MFSD11: variants seen among roughly 807,000 people sequenced by gnomAD.
MFSD11 encodes the protein major facilitator superfamily domain containing 11.
A neutral mutation model predicts 53.5 loss-of-function variants in MFSD11; 36 were observed. That is an observed-to-expected ratio of 0.67 (90% CI 0.52 to 0.89). MFSD11 has a LOEUF of 0.89. Ranked by LOEUF, MFSD11 falls within the 40% of genes least tolerant of loss-of-function variation. The pLI is 0.00. For synonymous variants in MFSD11, 186 were observed against 184.9 expected, an observed-to-expected ratio of 1.01 and a Z score of -0.05; for missense variants, 530 against 543.9, an observed-to-expected ratio of 0.97 and a Z score of 0.25.
intron 7 of MFSD11, among the ~76,000 whole-genome samples, chr17:76,752,075 CT>C (rs2079093856): frequency 6.6e-6 from 1 of 152,178 alleles, no homozygotes; most frequent in Non-Finnish European, 1.5e-5. Flanking sequence ...AAGGAAATGT[CT>C]GCTTTGTGAA....
In MFSD11 at chr17:76,779,337, T is replaced by C. The variant is rs1309249261; in HGVS notation, c.*985T>C. 6.7e-6 allele frequency: 1 copy of C among 149,972 alleles called. No homozygotes were observed. Among genetic ancestry groups the C allele is most frequent in the Non-Finnish European group, 1.5e-5 (1 of 67,678 alleles). 9.3% of individuals were successfully genotyped at this position (149,972 alleles called of 1,614,324 possible). ...AAAAATAAATAACAAGATGCTGAAA[T>C]GAAATATTGATTTTGAAAAGATGTC... On this transcript the variant is annotated 3_prime_UTR_variant, in exon 13 of 13. Coordinates refer to ENST00000685175, the MANE Select transcript of MFSD11 (RefSeq NM_001242532.5).
the MFSD11 span, among the ~76,000 whole-genome samples, chr17:76,786,714 T>C: frequency 2.0e-5 from 3 of 152,236 alleles, no homozygotes; most frequent in African/African-American, 7.2e-5. Flanking sequence ...CCAAAGGTTT[T>C]TACTGAAGTC....
chr17:76,792,204 T>G, the MFSD11 span, among the ~76,000 whole-genome samples: 3 of 133,386 alleles, frequency 2.2e-5, no homozygotes, highest in African/African-American at 8.1e-5. Flanking sequence ...CTGCAACCTC[T>G]GCCTCTAGGG....
At chr17:76,797,251 C>T in the MFSD11 span, among the ~76,000 whole-genome samples, 1 of 152,004 alleles carries the variant, frequency 6.6e-6, no homozygotes, top group South Asian at 2.1e-4. Flanking sequence ...GCCCTGAGGA[C>T]TGTTGGTTTA....
chr17:76,766,096 T>C (rs534619146), intron 8 of MFSD11, among the ~76,000 whole-genome samples: 1 of 150,874 alleles, frequency 6.6e-6, no homozygotes, highest in South Asian at 2.1e-4. Context: ...AATTTCTTTT[T>C]GTTAGCTAAG....
Position 76,777,412 on chromosome 17 carries a change from T to G in MFSD11, c.1186-776T>G, listed in dbSNP as rs572749601. Among the ~76,000 whole-genome samples the G allele has an allele frequency of 2.6e-5, 4 of 152,348 alleles. 1 individual carries two copies. Among genetic ancestry groups the G allele is most frequent in the African/African-American group, 9.6e-5 (4 of 41,590 alleles). On this transcript the variant is annotated intron_variant, in intron 12 of 12. Coordinates refer to ENST00000685175, the MANE Select transcript of MFSD11 (RefSeq NM_001242532.5). ...CCATGTTCAGCTAAGTTTTTATATT[T>G]TTAGTAGAGATGAGGTTTTGCCATT...
the MFSD11 span, among the ~76,000 whole-genome samples, chr17:76,803,150 C>T: frequency 2.2e-3 from 332 of 151,626 alleles, 1 homozygote; most frequent in Non-Finnish European, 2.8e-3. Flanking sequence ...AGTGAGACTC[C>T]GTCTCAAAAA....
Position 76,778,250 on chromosome 17 carries a change from G to A in MFSD11, c.1248G>A (p.Leu416=), listed in dbSNP as rs1346273742. Residue 416 remains leucine (L), a synonymous_variant, in exon 13 of 13, where the codon CTG becomes CTA. Transcript: ENST00000685175. ...ACCTTCTCCTTCACTGGCAACTCCT[G>A]GTCATGGTGATATTTGGGTTTTTTG... ...SNYLLLHWQL[L]VMVIFGFFGT... is the part of the protein sequence containing the mutation. The A allele has an allele frequency of 6.2e-7, 1 of 1,613,980 alleles. No individual in the cohort carries two copies. Among genetic ancestry groups the A allele is most frequent in the African/African-American group, 1.3e-5 (1 of 74,896 alleles).
intron 11 of MFSD11, among the ~76,000 whole-genome samples, 163 bp downstream of exon 11, chr17:76,775,334 T>G (rs2081724018): frequency 6.6e-6 from 1 of 152,218 alleles, no homozygotes; most frequent in South Asian, 2.1e-4. Flanking sequence ...ATAGGAATCC[T>G]TAGAGAATCC....
intron 9 of MFSD11, among the ~76,000 whole-genome samples, chr17:76,767,826 C>T (rs1361369057): frequency 6.6e-6 from 1 of 152,172 alleles, no homozygotes; most frequent in Non-Finnish European, 1.5e-5. Flanking sequence ...TCTAGCCCAG[C>T]ATCACTTCTA....
chr17:76,743,205 A>G (rs2078255552), intron 5 of MFSD11, among the ~76,000 whole-genome samples, 193 bp from the exon 6 acceptor site: 1 of 152,228 alleles, frequency 6.6e-6, no homozygotes. Context: ...ACTGAATTCC[A>G]TCTGGGGCAG....
chr17:76,787,178 C>T, the MFSD11 span, among the ~76,000 whole-genome samples: 2 of 150,388 alleles, frequency 1.3e-5, no homozygotes, highest in African/African-American at 4.9e-5. Context: ...TCTTGTCGCC[C>T]AGGCTGGAGT....
chr17:76,756,153 T>C (rs2079608637), intron 8 of MFSD11, among the ~76,000 whole-genome samples: 2 of 131,986 alleles, frequency 1.5e-5, no homozygotes, highest in Admixed American at 1.7e-4. Flanking sequence ...AACAGAGTCA[T>C]GCTCTGTTGC....
rs1222522967 is a variant in MFSD11, at chr17:76,775,080, A to G, written c.958A>G (p.Ile320Val). The change falls in exon 11 of 13, where the codon ATA becomes GTA. Residue 320 changes from isoleucine to valine, a missense_variant. Coordinates refer to ENST00000685175, the MANE Select transcript of MFSD11 (RefSeq NM_001242532.5). ...VVLLGILVHF[I>V]AFYLIFLNMP... ...GCTGTTGGGCATCCTGGTGCACTTC[A>G]TAGCTTTTTATCTAATATTTCTCAA... is the stretch of plus-strand genomic sequence containing the variant. 1.9e-6 allele frequency: 3 copies of G among 1,614,082 alleles called. No homozygotes were observed. Among genetic ancestry groups the G allele is most frequent in the Non-Finnish European group, 2.5e-6 (3 of 1,179,960 alleles).
In MFSD11 at chr17:76,777,726, G is replaced by A. The variant is rs960613121; in HGVS notation, c.1186-462G>A. 3.3e-5 allele frequency among the ~76,000 whole-genome samples: 5 copies of A among 152,222 alleles called. No individual in the cohort carries two copies. The East Asian group carries it at 9.7e-4, about 29-fold the overall frequency. ...TTTATGTTCTGGTCTCTATGGCTCT[G>A]ATTAGAGATTTCCTTCCTTAGATAC... On this transcript the variant is annotated intron_variant, in intron 12 of 12. Coordinates refer to ENST00000685175, the MANE Select transcript of MFSD11 (RefSeq NM_001242532.5).
At chr17:76,768,246 T>C (rs1168919730) in intron 9 of MFSD11, among the ~76,000 whole-genome samples, 1 of 146,636 alleles carries the variant, frequency 6.8e-6, no homozygotes, top group East Asian at 2.0e-4. Flanking sequence ...CAAGGTTGCA[T>C]GATCCAAGAT....
chr17:76,742,002 G>A lies in MFSD11; in HGVS notation c.294G>A (p.Pro98=), dbSNP rs764831416. 2.2e-5 allele frequency: 36 copies of A among 1,613,934 alleles called. No individual in the cohort carries two copies. Among genetic ancestry groups the A allele is most frequent in the Middle Eastern group, 3.3e-4 (2 of 6,084 alleles). ...TTGCCGTTTTCATCCAGCCTTTCCC[G>A]TGGTCCTTCTACACAGCCTCTGTTT... ...MYIAVFIQPF[P]WSFYTASVFI... is the part of the protein sequence containing the mutation. Residue 98 remains proline (P), a synonymous_variant, in exon 4 of 13, where the codon CCG becomes CCA. Transcript: ENST00000685175.
intron 8 of MFSD11, among the ~76,000 whole-genome samples, chr17:76,763,844 A>G (rs1268427134): frequency 6.6e-6 from 1 of 150,800 alleles, no homozygotes; most frequent in Non-Finnish European, 1.5e-5. Flanking sequence ...GTATATATTT[A>G]TGAGGTACAA....
At chr17:76,795,046 G>A in the MFSD11 span, among the ~76,000 whole-genome samples, 60 of 152,018 alleles carry the variant, frequency 3.9e-4, no homozygotes, top group African/African-American at 1.4e-3. Context: ...TGTATTGTAG[G>A]TTCAAACAAC....
Sources: allele counts gnomAD v4.1 joint callset (sites outside exome capture counted in the v4.1 genomes callset), GRCh38; gene constraint gnomAD v4.1.1; transcripts MANE v1.5; gene names NCBI Gene and HGNC (gene_info 2026-07-23, HGNC 2026-07-21).